Variants in SPATS2 observed in about 807,000 individuals in gnomAD.
SPATS2 encodes spermatogenesis-associated serine-rich protein 2.
In SPATS2, 38 loss-of-function variants were observed where a neutral mutation model predicts 63.7. The ratio of observed to expected loss-of-function variants is 0.60; its 90% CI spans 0.46 to 0.78. The LOEUF (loss-of-function observed/expected upper bound fraction) is 0.78. Ranked by LOEUF, SPATS2 falls within the 30% of genes least tolerant of loss-of-function variation. The pLI, the probability that SPATS2 is intolerant of heterozygous loss-of-function variation, is 0.00. For missense variants in SPATS2, 588 were observed against 666.2 expected (o/e 0.88, Z 1.29); for synonymous variants, 207 against 232.9 (o/e 0.89, Z 1.01).
intron 2 of SPATS2, among the ~76,000 whole-genome samples, chr12:49,438,360 T>C (rs1433584211): frequency 6.6e-6 from 1 of 152,236 alleles, no homozygotes; most frequent in East Asian, 1.9e-4. Context: ...TTCATCTTCT[T>C]GTTACCAGAT....
chr12:49,378,224 G>T (rs1432865734), intron 2 of SPATS2, among the ~76,000 whole-genome samples: 2 of 151,924 alleles, frequency 1.3e-5, no homozygotes, highest in Non-Finnish European at 2.9e-5. Context: ...GCCCGCCTCG[G>T]CCTCCCAAAG....
intron 2 of SPATS2, among the ~76,000 whole-genome samples, chr12:49,392,717 A>AAAAC (rs1177362380): frequency 6.6e-6 from 1 of 152,134 alleles, no homozygotes; most frequent in Non-Finnish European, 1.5e-5. Context: ...TCCATCTCAA[A>AAAAC]AAACAAACAA....
chr12:49,487,217 T>C (rs936232882), intron 4 of SPATS2, among the ~76,000 whole-genome samples: 11 of 152,198 alleles, frequency 7.2e-5, no homozygotes, highest in African/African-American at 2.2e-4. Flanking sequence ...CCAGGCGCGA[T>C]GGCTCATGCT....
intron 2 of SPATS2, among the ~76,000 whole-genome samples, chr12:49,381,340 T>A (rs1944218020): frequency 6.6e-6 from 1 of 152,218 alleles, no homozygotes; most frequent in Non-Finnish European, 1.5e-5. Context: ...ACTATAGTTG[T>A]AATTATTTTT....
At chr12:49,398,250 A>T (rs1457878116) in intron 2 of SPATS2, among the ~76,000 whole-genome samples, 2 of 152,084 alleles carry the variant, frequency 1.3e-5, no homozygotes, top group African/African-American at 4.8e-5. Context: ...GGGCCAGTTC[A>T]TAAAAAATTT....
At position 49,519,119 on chromosome 12, in the gene SPATS2, G is replaced by A; in HGVS notation, c.945G>A (p.Lys315=). Residue 315 remains lysine, a synonymous_variant, in exon 11 of 14, where the codon AAG becomes AAA. Transcript: ENST00000552918. ...SRQKKAELLK[K]MTHVAVQMSE... ...AAAAGAAGGCTGAACTTCTAAAGAA[G>A]ATGACTCATGTGGCTGTTCAAATGT... is the stretch of plus-strand genomic sequence containing the variant. The A allele has an allele frequency of 6.2e-7, 1 of 1,614,106 alleles. No individual in the cohort carries two copies. Among genetic ancestry groups the A allele is most frequent in the South Asian group, 1.1e-5 (1 of 91,074 alleles).
chr12:49,448,692 G>T (rs1359130496), intron 2 of SPATS2, among the ~76,000 whole-genome samples: 1 of 145,362 alleles, frequency 6.9e-6, no homozygotes, highest in South Asian at 2.2e-4. Flanking sequence ...TCCACCCTGG[G>T]TGACAGTGAG....
chr12:49,399,505 A>G (rs1381180350), intron 2 of SPATS2, among the ~76,000 whole-genome samples: 4 of 152,188 alleles, frequency 2.6e-5, no homozygotes, highest in Non-Finnish European at 5.9e-5. Context: ...ACCATACAGA[A>G]AGGCATAGCA....
chr12:49,498,825 C>T (rs1032558816), intron 8 of SPATS2, among the ~76,000 whole-genome samples: 12 of 137,768 alleles, frequency 8.7e-5, no homozygotes, highest in Non-Finnish European at 1.4e-4. Context: ...TGGAGTTTCA[C>T]TCTTGTCACC....
intron 12 of SPATS2, 88 bp from the exon 13 acceptor site, chr12:49,524,594 T>C: frequency 7.4e-7 from 1 of 1,354,102 alleles, no homozygotes; most frequent in Non-Finnish European, 1.0e-6. Context: ...TTATCTTAAA[T>C]TGCTCATTGT....
At chr12:49,483,984 T>C (rs1946248623) in intron 3 of SPATS2, among the ~76,000 whole-genome samples, 1 of 152,230 alleles carries the variant, frequency 6.6e-6, no homozygotes, top group Admixed American at 6.5e-5. Flanking sequence ...AGAAACTGAT[T>C]AAATTTGCAC....
Position 49,496,841 on chromosome 12 carries a change from C to A in SPATS2, c.535C>A (p.Leu179Met). The change falls in exon 8 of 14, where the codon CTG becomes ATG. Residue 179 changes from leucine (L) to methionine (M), a missense_variant. Coordinates refer to ENST00000552918, the MANE Select transcript of SPATS2 (RefSeq NM_023071.4). ...TCCTCTTTCTTGGACAGGATCCATGCTGCAGAATGGTGTCTCTGATTTTGA... is the reference window on the plus strand; with the variant it reads ...TCCTCTTTCTTGGACAGGATCCATGATGCAGAATGGTGTCTCTGATTTTGA... Reference protein sequence around the residue: ...LDTLDRTGSMLQNGVSDFETK... With the variant: ...LDTLDRTGSMMQNGVSDFETK... 6.2e-7 allele frequency: 1 copy of A among 1,614,090 alleles called. No individual in the cohort carries two copies.
chr12:49,492,224 T>A (rs1159195804), intron 6 of SPATS2, among the ~76,000 whole-genome samples: 1 of 151,482 alleles, frequency 6.6e-6, no homozygotes, highest in African/African-American at 2.4e-5. Flanking sequence ...TTTTTCTTTT[T>A]TTTTTTTCTT....
At chr12:49,516,154 AAAAAAAAAAAAAATATATAT>A (rs1946837664) in intron 10 of SPATS2, among the ~76,000 whole-genome samples, 1 of 43,508 alleles carries the variant, frequency 2.3e-5, no homozygotes, top group Admixed American at 4.2e-4. Flanking sequence ...AAAAAAAAAA[AAAAAAAAAAAAAATATATAT>A]ATATATATAT....
intron 2 of SPATS2, among the ~76,000 whole-genome samples, chr12:49,403,474 A>C (rs1428436326): frequency 6.6e-6 from 1 of 151,976 alleles, no homozygotes; most frequent in Non-Finnish European, 1.5e-5. Flanking sequence ...CTAAAAATAC[A>C]AAAGTTAGCT....
In SPATS2 at chr12:49,494,828, G is replaced by C. The variant is rs139718509; in HGVS notation, c.352G>C (p.Glu118Gln). ...DSSKSVSIQE[E>Q]QSAPSSEKGG... The stretch of plus-strand genomic sequence containing the variant: ...CAGTAAATCAGTTTCCATTCAAGAG[G>C]AACAGTCTGCGCCTTCCTCAGAGAA... Residue 118 changes from glutamate to glutamine, a missense_variant, in exon 7 of 14, where the codon GAA (glutamate) becomes CAA (glutamine). Transcript: ENST00000552918. The C allele has an allele frequency of 1.2e-6, 2 of 1,613,454 alleles. No individual in the cohort carries two copies. The highest frequency in any genetic ancestry group is 1.7e-6 in the Non-Finnish European group (2 of 1,179,900).
chr12:49,480,793 C>T (rs1946193351), intron 3 of SPATS2, among the ~76,000 whole-genome samples: 1 of 146,090 alleles, frequency 6.8e-6, no homozygotes, highest in African/African-American at 2.6e-5. Context: ...TTGTTGTTTT[C>T]TGTTTTTTTT....
chr12:49,419,756 A>G (rs971717438), intron 2 of SPATS2, among the ~76,000 whole-genome samples: 1 of 152,226 alleles, frequency 6.6e-6, no homozygotes, highest in African/African-American at 2.4e-5. Context: ...CTAGTAGAAG[A>G]CAGCTATTAT....
chr12:49,411,726 G>A (rs1335138985), intron 2 of SPATS2, among the ~76,000 whole-genome samples: 3 of 152,170 alleles, frequency 2.0e-5, no homozygotes, highest in Non-Finnish European at 4.4e-5. Flanking sequence ...AATTTAGGAT[G>A]TGTCTAGTTG....
Sources: gnomAD v4.1 joint callset for allele counts (sites outside exome capture counted in the v4.1 genomes callset) on GRCh38, gnomAD v4.1.1 for gene constraint, MANE v1.5 for transcripts, NCBI Gene and HGNC (gene_info 2026-07-23, HGNC 2026-07-21) for gene names.